CIT: variants seen among roughly 807,000 people sequenced by gnomAD.
The protein encoded by CIT is citron rho-interacting serine/threonine kinase, also known as citron Rho-interacting kinase.
CIT carries 79 observed loss-of-function variants against 272.7 expected under a neutral mutation model. The observed-to-expected ratio is 0.29, with a 90% confidence interval of 0.24 to 0.35. The LOEUF (loss-of-function observed/expected upper bound fraction) is 0.35. Among genes scored for constraint, CIT ranks in the 10% least tolerant of loss-of-function variants. The probability of loss-of-function intolerance (pLI) is 1.00; values close to 1 mark genes in which losing one functional copy is unlikely to be tolerated. For missense variants in CIT, 1,909 were observed against 2,618.3 expected (o/e 0.73, Z 5.91); for synonymous variants, 948 against 995.6 (o/e 0.95, Z 0.90).
At chr12:119,709,724 G>A (rs1456439112) in intron 39 of CIT, among the ~76,000 whole-genome samples, 1 of 150,702 alleles carries the variant, frequency 6.6e-6, no homozygotes, top group Non-Finnish European at 1.5e-5. Context: ...TGAAGAACTT[G>A]GCGTCATACC....
Position 119,690,107 on chromosome 12 carries a change from C to G in CIT, c.6186+44G>C, listed in dbSNP as rs757236486. On this transcript the variant is annotated intron_variant, in intron 47 of 47. Coordinates refer to ENST00000392521, the MANE Select transcript of CIT (RefSeq NM_001206999.2). The surrounding 1 kb of genome is among the most constrained non-coding windows in gnomAD (Gnocchi z 6.0). ...GGGGCCTCAGTTCCCCAAGTCACTC[C>G]TGGCCTCCGCAACAGACACACAGGC... is the stretch of plus-strand genomic sequence containing the variant. The G allele has an allele frequency of 7.0e-7, 1 of 1,432,994 alleles. No individual in the cohort carries two copies. Among genetic ancestry groups the G allele is most frequent in the Non-Finnish European group, 9.1e-7 (1 of 1,101,686 alleles). 88.8% of individuals were successfully genotyped at this position (1,432,994 alleles called of 1,614,324 possible).
intron 22 of CIT, among the ~76,000 whole-genome samples, chr12:119,756,991 G>C (rs1485788875): frequency 6.6e-6 from 1 of 152,004 alleles, no homozygotes; most frequent in Non-Finnish European, 1.5e-5. Flanking sequence ...GTGGTGCCAG[G>C]CGCCTGTAGT....
chr12:119,826,186 G>A (rs1423457591), intron 7 of CIT, among the ~76,000 whole-genome samples: 1 of 152,114 alleles, frequency 6.6e-6, no homozygotes, highest in African/African-American at 2.4e-5. Flanking sequence ...CCCACCCACA[G>A]GGCAAGACAT....
At chr12:119,783,684 T>G in intron 12 of CIT, 1 of 453,816 alleles carries the variant, frequency 2.2e-6, no homozygotes, top group South Asian at 5.2e-5. Flanking sequence ...GTACCAGCCG[T>G]CTACCTGCAC....
chr12:119,688,662 C>G lies in CIT; in HGVS notation c.6187-407G>C, dbSNP rs76749668. ...GTGGCTCCTTGACCTGCTTAGCCTG[C>G]TAAGGAGGCACCAAGCACTTGAGCC... On this transcript the variant is annotated intron_variant, in intron 47 of 47. Transcript: ENST00000392521. Among the ~76,000 whole-genome samples, 221 of 152,306 alleles carry G rather than the reference C, an allele frequency of 1.5e-3. 1 individual carries two copies. Among genetic ancestry groups the G allele is most frequent in the African/African-American group, 5.1e-3 (214 of 41,560 alleles).
chr12:119,759,373 G>T (rs369368226), intron 20 of CIT, among the ~76,000 whole-genome samples: 4 of 152,200 alleles, frequency 2.6e-5, no homozygotes, highest in African/African-American at 9.6e-5. Context: ...CCAGCCGGGC[G>T]CGGCGGCTTA....
In CIT at chr12:119,710,396, C is replaced by G. The variant is rs776592069; in HGVS notation, c.4936-10G>C. The G allele has an allele frequency of 1.2e-6, 2 of 1,614,010 alleles. No homozygotes were observed. The highest frequency in any genetic ancestry group is 1.7e-6 in the Non-Finnish European group (2 of 1,179,980). ...TGCCCACCAACACCACCTGCAAGGG[C>G]AGAAGTCCGAAGGCAGAACATAAGC... is the stretch of plus-strand genomic sequence containing the variant. On this transcript the variant is annotated splice_polypyrimidine_tract_variant and intron_variant, in intron 38 of 47. Coordinates refer to ENST00000392521, the MANE Select transcript of CIT (RefSeq NM_001206999.2). This position sits in a 1 kb window ranked among gnomAD's most constrained non-coding sequence, Gnocchi z 5.6.
chr12:119,823,393 G>A (rs1403815503), intron 8 of CIT, among the ~76,000 whole-genome samples: 1 of 152,144 alleles, frequency 6.6e-6, no homozygotes, highest in Non-Finnish European at 1.5e-5. Flanking sequence ...CACACACAAT[G>A]CGCTGTGATT....
At chr12:119,751,619 A>AAAAAG (rs1555233295) in intron 23 of CIT, among the ~76,000 whole-genome samples, 2 of 145,966 alleles carry the variant, frequency 1.4e-5, no homozygotes, top group South Asian at 2.1e-4. Flanking sequence ...AAAAAAAAAA[A>AAAAAG]AAGTAACATG....
chr12:119,793,000 C>T (rs1965448329), intron 10 of CIT, among the ~76,000 whole-genome samples: 1 of 152,070 alleles, frequency 6.6e-6, no homozygotes, highest in Admixed American at 6.6e-5. Context: ...CAATGGTGCC[C>T]ATCAGGAACA....
intron 19 of CIT, among the ~76,000 whole-genome samples, chr12:119,762,634 TGAAATA>T (rs1566005439): frequency 1.3e-5 from 2 of 152,190 alleles, no homozygotes; most frequent in African/African-American, 2.4e-5. Flanking sequence ...GCTAAAGCAA[TGAAATA>T]CATTTTCAGG....
In CIT at chr12:119,784,332, C is replaced by T; in HGVS notation, c.1402-281G>A. On this transcript the variant is annotated intron_variant, in intron 11 of 47. Coordinates refer to ENST00000392521, the MANE Select transcript of CIT (RefSeq NM_001206999.2). This position sits in a 1 kb window ranked among gnomAD's most constrained non-coding sequence, Gnocchi z 4.7. ...AGGAAGCCACAATCATCATTTTTCA[C>T]CTGTTTGCTTTTGTTTTTGTTTTGT... 2 of 1,416,312 alleles carry T rather than the reference C, an allele frequency of 1.4e-6. No individual in the cohort carries two copies. The highest frequency in any genetic ancestry group is 2.9e-5 in the African/African-American group (2 of 69,622). The allele number at this position is 1,416,312 out of a possible 1,614,324, so 87.7% of individuals were successfully genotyped here. A position where few individuals can be genotyped will look rare whatever the true frequency, so the allele number is the denominator to read the frequency against.
At chr12:119,695,548 C>G (rs1300297681) in intron 46 of CIT, among the ~76,000 whole-genome samples, 1 of 152,156 alleles carries the variant, frequency 6.6e-6, no homozygotes, top group East Asian at 1.9e-4. Flanking sequence ...ATAAACCTAG[C>G]ACTTTGGGAG....
intron 16 of CIT, among the ~76,000 whole-genome samples, chr12:119,775,027 C>A (rs1330319093): frequency 1.3e-5 from 2 of 151,894 alleles, no homozygotes; most frequent in African/African-American, 4.8e-5. Context: ...AATCCCAGCA[C>A]TTTGGGAGGC....
At chr12:119,874,835 C>T (rs1217906765) in intron 2 of CIT, among the ~76,000 whole-genome samples, 3 of 147,920 alleles carry the variant, frequency 2.0e-5, no homozygotes, top group African/African-American at 5.0e-5. Context: ...TGCAGTGAGC[C>T]GAGATCGCGC....
rs978157431 is a variant in CIT, at chr12:119,768,491, A to C, written c.2209-1309T>G. ...TTGAAGAATGAGGAAATTATATAGG[A>C]TATGTTCATAAAATGGAGGTGAAAA... is the stretch of plus-strand genomic sequence containing the variant. On this transcript the variant is annotated intron_variant, in intron 18 of 47. Transcript: ENST00000392521. The surrounding 1 kb of genome is among the most constrained non-coding windows in gnomAD (Gnocchi z 4.3). 6.6e-6 allele frequency among the ~76,000 whole-genome samples: 1 copy of C among 152,192 alleles called. No individual in the cohort carries two copies. Among genetic ancestry groups the C allele is most frequent in the Non-Finnish European group, 1.5e-5 (1 of 68,040 alleles).
intron 5 of CIT, among the ~76,000 whole-genome samples, chr12:119,834,959 A>G (rs1968893472): frequency 6.6e-6 from 1 of 152,262 alleles, no homozygotes; most frequent in African/African-American, 2.4e-5. Context: ...CTGCCATGGA[A>G]AATTGTCCAT....
chr12:119,777,853 C>T (rs1173396503), intron 13 of CIT, among the ~76,000 whole-genome samples: 5 of 152,014 alleles, frequency 3.3e-5, no homozygotes, highest in African/African-American at 7.3e-5. Context: ...TGTAGTTTTC[C>T]GCCAAGGGTA....
chr12:119,859,712 G>T (rs1354832537), intron 3 of CIT, among the ~76,000 whole-genome samples: 1 of 152,016 alleles, frequency 6.6e-6, no homozygotes, highest in East Asian at 1.9e-4. Flanking sequence ...CTGCTCGGGA[G>T]GCTGAGGGAG....
Sources: gnomAD v4.1 joint callset for allele counts (sites outside exome capture counted in the v4.1 genomes callset) on GRCh38, gnomAD v4.1.1 for gene constraint, Gnocchi (gnomAD v3.1) non-coding constraint, MANE v1.5 for transcripts, NCBI Gene and HGNC (gene_info 2026-07-23, HGNC 2026-07-21) for gene names.